The following ADD3 variants were observed in gnomAD, a reference collection of about 807,000 sequenced individuals.
ADD3 encodes the protein gamma-adducin.
ADD3 carries 25 observed loss-of-function variants against 80.2 expected under a neutral mutation model. The ratio of observed to expected loss-of-function variants is 0.31; its 90% CI spans 0.23 to 0.44. The LOEUF (loss-of-function observed/expected upper bound fraction) is 0.44. Among genes scored for constraint, ADD3 ranks in the 20% least tolerant of loss-of-function variants. ADD3 has a pLI of 1.00. For missense variants in ADD3, 829 were observed against 847.5 expected, an observed-to-expected ratio of 0.98 and a Z score of 0.27; for synonymous variants, 284 against 289.6, an observed-to-expected ratio of 0.98 and a Z score of 0.20.
At chr10:110,088,708 G>A (rs1404809073) in intron 1 of ADD3, among the ~76,000 whole-genome samples, 1 of 152,138 alleles carries the variant, frequency 6.6e-6, no homozygotes, top group Non-Finnish European at 1.5e-5. Context: ...TGAAATAGTA[G>A]ATCAAAATGA....
intron 1 of ADD3, among the ~76,000 whole-genome samples, chr10:110,056,465 G>C (rs571410284): frequency 6.6e-6 from 1 of 152,188 alleles, no homozygotes; most frequent in African/African-American, 2.4e-5. Flanking sequence ...AATTAAAACT[G>C]TTTTGAAGAT....
intron 1 of ADD3, among the ~76,000 whole-genome samples, chr10:110,036,291 A>G (rs1344049901): frequency 6.6e-6 from 1 of 151,326 alleles, no homozygotes; most frequent in Non-Finnish European, 1.5e-5. Flanking sequence ...AACTTAGAAT[A>G]TCTTTACCAG....
intron 14 of ADD3, 28 bp downstream of exon 14, chr10:110,132,428 T>G: frequency 2.1e-6 from 3 of 1,445,412 alleles, no homozygotes; most frequent in Non-Finnish European, 2.9e-6. Flanking sequence ...CCACATAGCA[T>G]TCACTGAGTT....
At chr10:110,059,229 T>C (rs543973953) in intron 1 of ADD3, among the ~76,000 whole-genome samples, 146 of 152,250 alleles carry the variant, frequency 9.6e-4, no homozygotes, top group Non-Finnish European at 1.9e-3. Flanking sequence ...CCCAGCACTT[T>C]AGGAGGCTGA....
chr10:110,084,282 A>G (rs1475160486), intron 1 of ADD3, among the ~76,000 whole-genome samples: 2 of 152,212 alleles, frequency 1.3e-5, no homozygotes, highest in Non-Finnish European at 2.9e-5. Flanking sequence ...CACCAACAAA[A>G]TGTTTTGTAT....
chr10:110,053,566 T>C (rs1195872330), intron 1 of ADD3, among the ~76,000 whole-genome samples: 2 of 152,170 alleles, frequency 1.3e-5, no homozygotes, highest in Non-Finnish European at 2.9e-5. Flanking sequence ...GTACTTGTGT[T>C]ATAAATTTGT....
chr10:110,044,796 G>T (rs61881617), intron 1 of ADD3, among the ~76,000 whole-genome samples: 6,062 of 152,248 alleles, frequency 0.04, 162 homozygotes, highest in Middle Eastern at 0.16. Context: ...TTGGGACTAG[G>T]TAACTGTATG....
chr10:110,053,808 T>C (rs1420305775), intron 1 of ADD3, among the ~76,000 whole-genome samples: 2 of 152,222 alleles, frequency 1.3e-5, no homozygotes, highest in African/African-American at 4.8e-5. Flanking sequence ...AGTTTAACTT[T>C]TATGGAAGGC....
intron 1 of ADD3, among the ~76,000 whole-genome samples, chr10:110,059,946 C>G (rs1858684882): frequency 6.6e-6 from 1 of 152,164 alleles, no homozygotes; most frequent in South Asian, 2.1e-4. Flanking sequence ...TGTGGACTCT[C>G]AAAGTACTTG....
intron 1 of ADD3, among the ~76,000 whole-genome samples, chr10:110,070,309 AC>A (rs1162021457): frequency 6.6e-6 from 1 of 152,190 alleles, no homozygotes; most frequent in Admixed American, 6.5e-5. Flanking sequence ...TTCATTTCTT[AC>A]ATTTTTTACC....
chr10:110,119,627 G>C, intron 8 of ADD3, 63 bp downstream of exon 8: 1 of 1,415,408 alleles, frequency 7.1e-7, no homozygotes, highest in Non-Finnish European at 9.9e-7. Flanking sequence ...TGGATTTTGT[G>C]TACTTATTTG....
chr10:110,119,310 G>C lies in ADD3; in HGVS notation c.817G>C (p.Glu273Gln), dbSNP rs1326848239. 5.0e-6 allele frequency: 8 copies of C among 1,614,126 alleles called. No homozygotes were observed. In the South Asian group the frequency reaches 8.8e-5, roughly 18 times the overall value. Residue 273 changes from glutamate to glutamine, a missense_variant, in exon 7 of 15, where the codon GAG becomes CAG. By Grantham distance (29) the Glu-to-Gln change is conservative. Transcript: ENST00000356080. Reference protein sequence around the residue: ...YDYQGSLEEQEERIQLQKVLG... With the variant: ...YDYQGSLEEQQERIQLQKVLG... ...CTACCAAGGGTCACTTGAAGAACAGGAGGAGAGAATTCAACTGCAGAAGGT... is the reference window on the plus strand; with the variant it reads ...CTACCAAGGGTCACTTGAAGAACAGCAGGAGAGAATTCAACTGCAGAAGGT...
In ADD3 at chr10:110,127,057, A is replaced by G. The variant is rs138505847; in HGVS notation, c.1608+554A>G. 4.7e-3 allele frequency among the ~76,000 whole-genome samples: 716 copies of G among 152,356 alleles called. 4 individuals are homozygous for G. The highest frequency in any genetic ancestry group is 0.016 in the African/African-American group (678 of 41,578). On this transcript the variant is annotated intron_variant, in intron 12 of 14. Coordinates refer to ENST00000356080, the MANE Select transcript of ADD3 (RefSeq NM_016824.5). The stretch of plus-strand genomic sequence containing the variant: ...AGAATTAATGAAATATTTTTGAAAG[A>G]TGGGGATTTAGCCTGTTTATACAGT...
upstream of ADD3, among the ~76,000 whole-genome samples, chr10:110,001,180 C>T (rs563509084): frequency 5.9e-5 from 9 of 151,920 alleles, no homozygotes; most frequent in East Asian, 1.5e-3. Flanking sequence ...TTTGGGAAGC[C>T]GAGGTGGGTG....
chr10:110,070,978 T>G (rs1844612369), intron 1 of ADD3, among the ~76,000 whole-genome samples: 1 of 27,428 alleles, frequency 3.6e-5, no homozygotes, highest in African/African-American at 2.5e-4. Context: ...TTTTTGTTGT[T>G]TTTGGGGGGG....
chr10:110,005,988 A>ATGCTGCTGC (rs200976177), upstream of ADD3: 2 of 249,388 alleles, frequency 8.0e-6, no homozygotes, highest in African/African-American at 2.3e-5. Flanking sequence ...GCTGCTGCTA[A>ATGCTGCTGC]TGCTGCTGCT....
chr10:110,084,641 A>C (rs1338679834), intron 1 of ADD3, among the ~76,000 whole-genome samples: 2 of 152,232 alleles, frequency 1.3e-5, no homozygotes, highest in African/African-American at 4.8e-5. Flanking sequence ...AATGAGGTAG[A>C]ATAAGATTTG....
Position 110,018,127 on chromosome 10 carries a change from G to T in ADD3, c.-30+9828G>T, listed in dbSNP as rs576607533. Among the ~76,000 whole-genome samples the T allele has an allele frequency of 3.3e-4, 50 of 152,282 alleles. No homozygotes were observed. In the South Asian group the frequency reaches 9.5e-3, roughly 29 times the overall value. On this transcript the variant is annotated intron_variant, in intron 1 of 14. Coordinates refer to ENST00000356080, the MANE Select transcript of ADD3 (RefSeq NM_016824.5). ...TCCCAGTCAAACATAGGAATGGTCA[G>T]CAATAACTAAAACAACAATGCAAAA...
chr10:110,046,568 G>A (rs1329624754), intron 1 of ADD3, among the ~76,000 whole-genome samples: 1 of 152,052 alleles, frequency 6.6e-6, no homozygotes, highest in Non-Finnish European at 1.5e-5. Flanking sequence ...TTTATAGAAT[G>A]TACATAAATG....
Sources: allele counts gnomAD v4.1 joint callset (sites outside exome capture counted in the v4.1 genomes callset), GRCh38; gene constraint gnomAD v4.1.1; transcripts MANE v1.5; gene names NCBI Gene and HGNC (gene_info 2026-07-23, HGNC 2026-07-21).